ARL1: variants seen among roughly 807,000 people sequenced by gnomAD.
ARL1 encodes the protein ADP-ribosylation factor-like protein 1.
Under a neutral mutation model 30.1 loss-of-function variants are expected in ARL1, and 17 were observed. The ratio of observed to expected loss-of-function variants is 0.56; its 90% CI spans 0.39 to 0.85. The LOEUF is 0.85. Ranked by LOEUF, ARL1 falls within the 40% of genes least tolerant of loss-of-function variation. The pLI, the probability that ARL1 is intolerant of heterozygous loss-of-function variation, is 0.00. For missense variants in ARL1, 102 were observed against 212.6 expected (o/e 0.48, Z 3.24); for synonymous variants, 58 against 71.7 (o/e 0.81, Z 0.97).
rs1394696123 is a variant in ARL1 at position 101,401,101 on chromosome 12, T to C, written c.297A>G (p.Arg99=). ...CTAACTCTGATTTGGAAATGCCAAT[T>C]CGGTCTCGGTCACAACTGTCTACTA... ...IYVVDSCDRD[R]IGISKSELVA... is the part of the protein sequence containing the mutation. The change falls in exon 4 of 6, where the codon CGA becomes CGG. Residue 99 remains arginine, a synonymous_variant. Coordinates refer to ENST00000261636, the MANE Select transcript of ARL1 (RefSeq NM_001177.6). The C allele has an allele frequency of 3.1e-6, 5 of 1,613,940 alleles. No individual in the cohort carries two copies. The South Asian group carries it at 5.5e-5, about 18-fold the overall frequency.
At chr12:101,407,443 AGAGAGGACGGAGGAGAACGC>A (rs1871477092) in intron 1 of ARL1, 179 bp downstream of exon 1, 1 of 643,482 alleles carries the variant, frequency 1.6e-6, no homozygotes. Context: ...AGGGGAACCG[AGAGAGGACGGAGGAGAACGC>A]GAGAGGCCGG....
intron 2 of ARL1, chr12:101,403,282 T>C (rs1385027335): frequency 9.7e-6 from 4 of 411,610 alleles, no homozygotes; most frequent in African/African-American, 8.5e-5. Flanking sequence ...TAATTTTAGC[T>C]CAAATAAATT....
At chr12:101,399,102 T>C (rs953571069) in intron 4 of ARL1, among the ~76,000 whole-genome samples, 1 of 151,998 alleles carries the variant, frequency 6.6e-6, no homozygotes, top group Non-Finnish European at 1.5e-5. Flanking sequence ...TTATAATAAA[T>C]ATAATGCTAT....
intron 4 of ARL1, among the ~76,000 whole-genome samples, chr12:101,398,478 C>G (rs1189353807): frequency 2.0e-5 from 3 of 151,782 alleles, no homozygotes; most frequent in Non-Finnish European, 4.4e-5. Flanking sequence ...GAGATGGAGT[C>G]TCACTCCATC....
In ARL1 at chr12:101,398,278, C is replaced by G. The variant is rs978324951; in HGVS notation, c.337-1701G>C. Among the ~76,000 whole-genome samples the G allele has an allele frequency of 4.2e-4, 63 of 151,568 alleles. 2 individuals carry two copies. Among genetic ancestry groups the G allele is most frequent in the Non-Finnish European group, 2.1e-4 (14 of 67,928 alleles). On this transcript the variant is annotated intron_variant, in intron 4 of 5. Transcript: ENST00000261636. The stretch of plus-strand genomic sequence containing the variant: ...GGGTGTGGTGGTGTGCGCTTGCAAT[C>G]CCAGCTACTCAGGAGGCTGAGGCAG...
At chr12:101,406,243 G>A (rs1218047766) in intron 1 of ARL1, among the ~76,000 whole-genome samples, 3 of 152,122 alleles carry the variant, frequency 2.0e-5, no homozygotes, top group East Asian at 3.9e-4. Flanking sequence ...AAATATGGCC[G>A]CGGCCTTTGG....
At chr12:101,402,124 T>C (rs958283963) in intron 3 of ARL1, among the ~76,000 whole-genome samples, 4 of 152,192 alleles carry the variant, frequency 2.6e-5, no homozygotes, top group Non-Finnish European at 2.9e-5. Flanking sequence ...ACTGTTGCCA[T>C]GTCAAGCCCA....
intron 1 of ARL1, among the ~76,000 whole-genome samples, chr12:101,406,651 T>C (rs775290744): frequency 1.3e-5 from 2 of 152,064 alleles, no homozygotes; most frequent in East Asian, 3.9e-4. Context: ...CAAAAAAAAA[T>C]AGTTAACATC....
rs559533125 is a variant in ARL1 at position 101,395,323 on chromosome 12, G to A, written c.*317C>T. On this transcript the variant is annotated 3_prime_UTR_variant, in exon 6 of 6. Coordinates refer to ENST00000261636, the MANE Select transcript of ARL1 (RefSeq NM_001177.6). ...AAGCTGCAACTACTATTCAAAAATA[G>A]GTTTTTTTCATCCAATAGGAGTATA... is the stretch of plus-strand genomic sequence containing the variant. The A allele has an allele frequency of 4.1e-4, 101 of 243,762 alleles. No individual in the cohort carries two copies. Among genetic ancestry groups the A allele is most frequent in the African/African-American group, 1.9e-3 (85 of 44,708 alleles). The allele number at this position is 243,762 out of a possible 1,614,324, so 15.1% of individuals were successfully genotyped here. A position where few individuals can be genotyped will look rare whatever the true frequency, so the allele number is the denominator to read the frequency against.
At chr12:101,405,820 T>C in intron 2 of ARL1, 24 bp downstream of exon 2, 1 of 1,526,252 alleles carries the variant, frequency 6.6e-7, no homozygotes, top group Non-Finnish European at 8.8e-7. Flanking sequence ...GTCCCTACAA[T>C]TAGCTCATCA....
intron 1 of ARL1, 80 bp downstream of exon 1, chr12:101,407,562 G>C: frequency 1.3e-6 from 2 of 1,585,654 alleles, no homozygotes; most frequent in Non-Finnish European, 8.6e-7. Context: ...TATCCTGGCC[G>C]GCCCCTCTCC....
chr12:101,402,273 C>T (rs1340030008), intron 3 of ARL1, among the ~76,000 whole-genome samples: 1 of 152,202 alleles, frequency 6.6e-6, no homozygotes, highest in Non-Finnish European at 1.5e-5. Context: ...ACCTCCAGCT[C>T]CCAAGTCCTG....
rs1336079538 is a variant in ARL1, at chr12:101,407,726, G to GC, written c.-82dup. On this transcript the variant is annotated 5_prime_UTR_variant, in exon 1 of 6. Coordinates refer to ENST00000261636, the MANE Select transcript of ARL1 (RefSeq NM_001177.6). Reference sequence around the variant, plus strand: ...CAGCTCCGAGGCGGTTTCCTCGCAAGCCCAGTCAGCCAGCAACTTCCACGT... The same window carrying GC: ...CAGCTCCGAGGCGGTTTCCTCGCAAGCCCCAGTCAGCCAGCAACTTCCACGT... The GC allele has an allele frequency of 6.3e-7, 1 of 1,598,044 alleles. No homozygotes were observed. The highest frequency in any genetic ancestry group is 2.2e-5 in the East Asian group (1 of 44,662).
chr12:101,394,105 T>G lies in ARL1; in HGVS notation c.*1535A>C, dbSNP rs779959954. The stretch of plus-strand genomic sequence containing the variant: ...TCAAAGAGACTAAAGTAGGAATGGG[T>G]GCTGGAGAATGAGCAAGAAGGGTGA... On this transcript the variant is annotated 3_prime_UTR_variant, in exon 6 of 6. Transcript: ENST00000261636. 1 of 151,886 alleles carries G rather than the reference T, an allele frequency of 6.6e-6. No homozygotes were observed. Among genetic ancestry groups the G allele is most frequent in the African/African-American group, 2.4e-5 (1 of 41,324 alleles). 9.4% of individuals were successfully genotyped at this position (151,886 alleles called of 1,614,324 possible). A position where few individuals can be genotyped will look rare whatever the true frequency, so the allele number is the denominator to read the frequency against.
chr12:101,407,435 G>C (rs2121132408), intron 1 of ARL1: 1 of 609,578 alleles, frequency 1.6e-6, no homozygotes, highest in Non-Finnish European at 2.7e-6. Flanking sequence ...AGGAATCAAG[G>C]GGAACCGAGA....
In ARL1 at chr12:101,393,681, T is replaced by C. The variant is rs963593498; in HGVS notation, c.*1959A>G. The C allele has an allele frequency of 2.0e-5, 3 of 152,298 alleles. No individual in the cohort carries two copies. In the South Asian group the frequency reaches 6.2e-4, roughly 32 times the overall value. The allele number at this position is 152,298 out of a possible 1,614,324, so 9.4% of individuals were successfully genotyped here. A position where few individuals can be genotyped will look rare whatever the true frequency, so the allele number is the denominator to read the frequency against. ...ATCAGGCTTAACCAAGTGCTGAACT[T>C]TGGGGCAACTTCATGCCCTAGGATT... On this transcript the variant is annotated 3_prime_UTR_variant, in exon 6 of 6. Coordinates refer to ENST00000261636, the MANE Select transcript of ARL1 (RefSeq NM_001177.6).
chr12:101,406,737 A>T (rs1609791), intron 1 of ARL1, among the ~76,000 whole-genome samples: 20,029 of 152,262 alleles, frequency 0.13, 1,505 homozygotes, highest in Middle Eastern at 0.24. Context: ...GAACAACACC[A>T]TGGGCTAGAG....
Position 101,402,185 on chromosome 12 carries a change from T to C in ARL1, c.224+680A>G, listed in dbSNP as rs139180835. ...TCAGAAGGCATTTATTTTTTATTTA[T>C]TCATTTATTTTTTTTGAGACAGAGT... On this transcript the variant is annotated intron_variant, in intron 3 of 5. Transcript: ENST00000261636. 8.5e-5 allele frequency among the ~76,000 whole-genome samples: 13 copies of C among 152,320 alleles called. No individual in the cohort carries two copies. The East Asian group carries it at 2.5e-3, about 29-fold the overall frequency.
At position 101,407,764 on chromosome 12, in the gene ARL1, G is replaced by A. The variant is rs761050752; in HGVS notation, c.-119C>T. The A allele has an allele frequency of 1.3e-5, 19 of 1,471,342 alleles. 1 individual carries two copies. In the African/African-American group the frequency reaches 1.9e-4, roughly 15 times the overall value. The allele number at this position is 1,471,342 out of a possible 1,614,324, so 91.1% of individuals were successfully genotyped here. A position where few individuals can be genotyped will look rare whatever the true frequency, so the allele number is the denominator to read the frequency against. On this transcript the variant is annotated 5_prime_UTR_variant, in exon 1 of 6. Transcript: ENST00000261636. ...GCAACTTCCACGTCGGACTCCAGGC[G>A]GGGGCGGGAGCGAGGGTCAGCTGCG...
Sources: allele counts gnomAD v4.1 joint callset (sites outside exome capture counted in the v4.1 genomes callset), GRCh38; gene constraint gnomAD v4.1.1; transcripts MANE v1.5; gene names NCBI Gene and HGNC (gene_info 2026-07-23, HGNC 2026-07-21).